Variants in ZNF729 observed in about 807,000 individuals in gnomAD.
ZNF729 encodes zinc finger protein 729.
ZNF729 carries 15 observed loss-of-function variants against 12.2 expected under a neutral mutation model. The ratio of observed to expected loss-of-function variants is 1.23; its 90% CI spans 0.82 to 1.89. The LOEUF (loss-of-function observed/expected upper bound fraction) is 1.89. Ranked by LOEUF, ZNF729 falls within the 40% of genes most tolerant of loss-of-function variation. The pLI is 0.00. For synonymous variants in ZNF729, 492 were observed against 476.3 expected, an observed-to-expected ratio of 1.03 and a Z score of -0.43; for missense variants, 1,540 against 1,456.7, an observed-to-expected ratio of 1.06 and a Z score of -0.93.
In ZNF729 at chr19:22,316,008, C is replaced by A. The variant is rs1968532966; in HGVS notation, c.2591C>A (p.Ser864Tyr). ...GAATGTGGCAAAGCTTTTAGCCAAT[C>A]CTCATCCCTTAGAAAACATGAGATA... ...CEECGKAFSQSSSLRKHEIIH... is the reference protein window; with the variant it reads ...CEECGKAFSQYSSLRKHEIIH... The change falls in exon 4 of 4, where the codon TCC (serine) becomes TAC (tyrosine). Residue 864 changes from serine (S) to tyrosine (Y), a missense_variant. By Grantham distance (144) the Ser-to-Tyr change is moderately radical (BLOSUM62 -2). Coordinates refer to ENST00000601693, the MANE Select transcript of ZNF729 (RefSeq NM_001242680.2). The A allele has an allele frequency of 6.2e-7, 1 of 1,609,498 alleles. No individual in the cohort carries two copies. Among genetic ancestry groups the A allele is most frequent in the Non-Finnish European group, 8.5e-7 (1 of 1,179,486 alleles).
chr19:22,303,670 A>G (rs1382299155), intron 1 of ZNF729, 88 bp from the exon 2 acceptor site: 16 of 1,289,964 alleles, frequency 1.2e-5, no homozygotes, highest in Middle Eastern at 4.0e-4. Flanking sequence ...TGTTCTCTTT[A>G]TTCTCTCATT....
intron 1 of ZNF729, among the ~76,000 whole-genome samples, chr19:22,296,728 G>A (rs7258959): frequency 0.022 from 3,341 of 152,078 alleles, 109 homozygotes; most frequent in African/African-American, 0.076. Flanking sequence ...TTTTTGATGT[G>A]ACCATTTAAT....
Position 22,316,345 on chromosome 19 carries a change from C to A in ZNF729, c.2928C>A (p.Ser976=). Residue 976 remains serine, a synonymous_variant, in exon 4 of 4, where the codon TCC becomes TCA. Transcript: ENST00000601693. ...AATGTGGCAAAGCTTTTAAGCAATC[C>A]TCACATCTTACTAGACATAAAGCAA... ...CAECGKAFKQ[S]SHLTRHKAIH... 1 of 1,613,588 alleles carries A rather than the reference C, an allele frequency of 6.2e-7. No homozygotes were observed. The highest frequency in any genetic ancestry group is 8.5e-7 in the Non-Finnish European group (1 of 1,179,724).
intron 3 of ZNF729, among the ~76,000 whole-genome samples, chr19:22,307,851 T>A (rs79419508): frequency 0.03 from 4,481 of 147,116 alleles, 286 homozygotes; most frequent in African/African-American, 0.11. Context: ...TATACTACTT[T>A]ATTTTTATTT....
In ZNF729 at chr19:22,316,787, A is replaced by T. The variant is rs761156818; in HGVS notation, c.3370A>T (p.Ile1124Leu). 8.7e-6 allele frequency: 14 copies of T among 1,612,944 alleles called. 1 individual carries two copies. In the South Asian group the frequency reaches 1.5e-4, roughly 18 times the overall value. The change falls in exon 4 of 4, where the codon ATA becomes TTA. Residue 1124 changes from isoleucine (I) to leucine (L), a missense_variant. Ile to Leu is a conservative substitution (Grantham distance 5). Transcript: ENST00000601693. ...NNSSTLTKHKIIHTGEKPYKC... is the reference protein window; with the variant it reads ...NNSSTLTKHKLIHTGEKPYKC... The stretch of plus-strand genomic sequence containing the variant: ...TTCCTCAACCCTTACGAAACATAAG[A>T]TAATTCATACTGGGGAGAAACCCTA...
In ZNF729 at chr19:22,316,812, A is replaced by G. The variant is rs1330339134; in HGVS notation, c.3395A>G (p.Tyr1132Cys). 2 of 1,613,256 alleles carry G rather than the reference A, an allele frequency of 1.2e-6. No homozygotes were observed. Among genetic ancestry groups the G allele is most frequent in the Non-Finnish European group, 1.7e-6 (2 of 1,179,978 alleles). ...HKIIHTGEKP[Y>C]KCEECGKAFS... ...ATAATTCATACTGGGGAGAAACCCT[A>G]CAAATGTGAAGAATGTGGCAAAGCC... The change falls in exon 4 of 4, where the codon TAC (tyrosine) becomes TGC (cysteine). Residue 1132 changes from tyrosine (Y) to cysteine (C), a missense_variant. Coordinates refer to ENST00000601693, the MANE Select transcript of ZNF729 (RefSeq NM_001242680.2).
chr19:22,310,216 T>G (rs1968434720), intron 3 of ZNF729, among the ~76,000 whole-genome samples: 1 of 151,922 alleles, frequency 6.6e-6, no homozygotes, highest in Admixed American at 6.6e-5. Context: ...TTCTGCTTGC[T>G]CTGGCTAAGA....
chr19:22,295,038 T>TTTTGTGTGTG (rs377438567), intron 1 of ZNF729, among the ~76,000 whole-genome samples: 1 of 144,024 alleles, frequency 6.9e-6, no homozygotes, highest in African/African-American at 2.6e-5. Flanking sequence ...TCCTAGATAT[T>TTTTGTGTGTG]TGTGTGTGTG....
At chr19:22,309,952 T>G (rs577965826) in intron 3 of ZNF729, among the ~76,000 whole-genome samples, 303 of 151,484 alleles carry the variant, frequency 2.0e-3, no homozygotes, top group Non-Finnish European at 3.2e-3. Flanking sequence ...CCTAAGTTTT[T>G]GGGGTTTTTT....
intron 3 of ZNF729, among the ~76,000 whole-genome samples, chr19:22,306,107 G>A (rs1485185366): frequency 2.0e-5 from 3 of 151,964 alleles, no homozygotes; most frequent in African/African-American, 7.2e-5. Context: ...TTTTTATTAA[G>A]TAGTTTAAAA....
In ZNF729 at chr19:22,290,167, TC is replaced by T. The variant is rs1180599803; in HGVS notation, c.30+3613del. Among the ~76,000 whole-genome samples, 53 of 152,318 alleles carry T rather than the reference TC, an allele frequency of 3.5e-4. No individual in the cohort carries two copies. The East Asian group carries it at 9.8e-3, about 28-fold the overall frequency. ...GTTATTAAAGGACCACTTAGTTTTT[TC>T]TGGGGAGTCTTCTCTGCAGATATTC... On this transcript the variant is annotated intron_variant, in intron 1 of 3. Coordinates refer to ENST00000601693, the MANE Select transcript of ZNF729 (RefSeq NM_001242680.2).
Position 22,315,105 on chromosome 19 carries a change from A to T in ZNF729, c.1688A>T (p.Lys563Met). The T allele has an allele frequency of 2.5e-6, 4 of 1,611,006 alleles. No homozygotes were observed. Among genetic ancestry groups the T allele is most frequent in the Non-Finnish European group, 3.4e-6 (4 of 1,179,598 alleles). ...TGGTCATCAAAACTTACTGTACATA[A>T]GGTAATTCATACTGGAGAGAAACCC... ...FKWSSKLTVH[K>M]VIHTGEKPCK... The change falls in exon 4 of 4, where the codon AAG becomes ATG. Residue 563 changes from lysine (K) to methionine (M), a missense_variant. Lys to Met is a moderately conservative substitution (Grantham distance 95, BLOSUM62 -1). Transcript: ENST00000601693.
intron 1 of ZNF729, among the ~76,000 whole-genome samples, chr19:22,288,660 CACCCAACCCAGCTTCCAATTATTGAAG>C (rs1393053495): frequency 6.6e-6 from 1 of 152,120 alleles, no homozygotes; most frequent in Non-Finnish European, 1.5e-5. Context: ...AGATTGTCTT[CACCCAACCCAGCTTCCAATTATTGAAG>C]ACCCAACCCA....
intron 3 of ZNF729, among the ~76,000 whole-genome samples, chr19:22,310,869 G>C (rs1408164779): frequency 6.6e-6 from 1 of 152,018 alleles, no homozygotes; most frequent in African/African-American, 2.4e-5. Context: ...CAGTCTCGCT[G>C]CTTGTTATTG....
intron 1 of ZNF729, among the ~76,000 whole-genome samples, chr19:22,300,692 A>G (rs1307255507): frequency 6.6e-6 from 1 of 152,182 alleles, no homozygotes; most frequent in Admixed American, 6.5e-5. Context: ...GCAGCAATCA[A>G]CCATTTTATG....
Position 22,317,031 on chromosome 19 carries a change from G to C in ZNF729, c.3614G>C (p.Arg1205Thr), listed in dbSNP as rs976363846. The change falls in exon 4 of 4, where the codon AGA (arginine) becomes ACA (threonine). Residue 1205 changes from arginine (R) to threonine (T), a missense_variant. Physicochemically the swap from Arg to Thr is moderately conservative, Grantham distance 71. Coordinates refer to ENST00000601693, the MANE Select transcript of ZNF729 (RefSeq NM_001242680.2). ...KAFIQCSYLI[R>T]HKTIHTREKP... is the part of the protein sequence containing the mutation. ...TTTATTCAGTGCTCATACCTTATTA[G>C]ACATAAAACAATTCATACCAGAGAG... The C allele has an allele frequency of 5.6e-6, 9 of 1,608,282 alleles. No individual in the cohort carries two copies. The African/African-American group carries it at 1.2e-4, about 22-fold the overall frequency.
At chr19:22,305,024 C>T (rs745541255) in intron 3 of ZNF729, among the ~76,000 whole-genome samples, 4 of 152,172 alleles carry the variant, frequency 2.6e-5, no homozygotes, top group African/African-American at 9.7e-5. Flanking sequence ...GAGCCAAAGT[C>T]GTGTTCATGG....
chr19:22,294,622 G>A (rs1018895431), intron 1 of ZNF729, among the ~76,000 whole-genome samples: 3 of 126,072 alleles, frequency 2.4e-5, no homozygotes, highest in African/African-American at 8.7e-5. Flanking sequence ...CCATTTATTT[G>A]TGTTATCTCG....
In ZNF729 at chr19:22,316,944, C is replaced by T; in HGVS notation, c.3527C>T (p.Thr1176Ile). 4 of 1,612,668 alleles carry T rather than the reference C, an allele frequency of 2.5e-6. No homozygotes were observed. In the South Asian group the frequency reaches 4.4e-5, roughly 18 times the overall value. Residue 1176 changes from threonine to isoleucine, a missense_variant, in exon 4 of 4, where the codon ACT becomes ATT. Thr to Ile is a moderately conservative substitution (Grantham distance 89). Transcript: ENST00000601693. ...GCCTTTAACCAGTCCTCACACCTTACTAGACACAAAACAATTCATACTGGA... is the reference window on the plus strand; with the variant it reads ...GCCTTTAACCAGTCCTCACACCTTATTAGACACAAAACAATTCATACTGGA... ...GKAFNQSSHL[T>I]RHKTIHTGEK...
Sources: allele counts gnomAD v4.1 joint callset (sites outside exome capture counted in the v4.1 genomes callset), GRCh38; gene constraint gnomAD v4.1.1; transcripts MANE v1.5; gene names NCBI Gene and HGNC (gene_info 2026-07-23, HGNC 2026-07-21).